Variants in SHROOM3 observed in about 807,000 individuals in gnomAD.
The protein encoded by SHROOM3 is protein Shroom3.
A neutral mutation model predicts 138.6 loss-of-function variants in SHROOM3; 47 were observed. The observed-to-expected ratio is 0.34, with a 90% CI of 0.27 to 0.43. The LOEUF (loss-of-function observed/expected upper bound fraction) is 0.43. SHROOM3 is among the 20% of genes least tolerant of loss of function. SHROOM3 has a pLI of 1.00. For synonymous variants in SHROOM3, 1,062 were observed against 1,063.3 expected (o/e 1.00, Z 0.02); for missense variants, 2,491 against 2,596.5 (o/e 0.96, Z 0.88).
chr4:76,666,145 T>TA (rs2110095426), intron 2 of SHROOM3, among the ~76,000 whole-genome samples: 1 of 152,260 alleles, frequency 6.6e-6, no homozygotes, highest in East Asian at 1.9e-4. Context: ...TAAAATCCTT[T>TA]AAAAAAGAGT....
chr4:76,745,397 A>G (rs1246706512), intron 5 of SHROOM3, among the ~76,000 whole-genome samples: 1 of 152,230 alleles, frequency 6.6e-6, no homozygotes, highest in Non-Finnish European at 1.5e-5. Flanking sequence ...TGGTTCTCAC[A>G]GTATTTTCAG....
intron 1 of SHROOM3, among the ~76,000 whole-genome samples, chr4:76,513,761 A>G (rs1732388788): frequency 6.6e-6 from 1 of 152,240 alleles, no homozygotes; most frequent in Non-Finnish European, 1.5e-5. Context: ...AATATCTCTG[A>G]CCTTAGCTGG....
chr4:76,560,649 T>C (rs1733579197), intron 2 of SHROOM3, among the ~76,000 whole-genome samples: 1 of 152,196 alleles, frequency 6.6e-6, no homozygotes, highest in African/African-American at 2.4e-5. Flanking sequence ...ACTCCTAAAT[T>C]TGTTGTAAGT....
At chr4:76,534,339 C>T (rs1199280401) in intron 1 of SHROOM3, among the ~76,000 whole-genome samples, 1 of 152,152 alleles carries the variant, frequency 6.6e-6, no homozygotes, top group African/African-American at 2.4e-5. Flanking sequence ...ATTGAAACCC[C>T]CAAGTCCAAA....
chr4:76,526,324 G>GC (rs1732688413), intron 1 of SHROOM3, among the ~76,000 whole-genome samples: 1 of 152,090 alleles, frequency 6.6e-6, no homozygotes, highest in Admixed American at 6.5e-5. Flanking sequence ...CTGAGATCGT[G>GC]CACTGCACTC....
intron 2 of SHROOM3, among the ~76,000 whole-genome samples, chr4:76,646,639 A>G (rs1305165780): frequency 6.6e-6 from 1 of 152,182 alleles, no homozygotes; most frequent in African/African-American, 2.4e-5. Flanking sequence ...GTCTACTTCT[A>G]TTAGATGTGC....
chr4:76,541,643 A>ACACACACACC (rs1733103551), intron 1 of SHROOM3, among the ~76,000 whole-genome samples: 1 of 151,922 alleles, frequency 6.6e-6, no homozygotes, highest in Non-Finnish European at 1.5e-5. Context: ...ACACACACAC[A>ACACACACACC]CACACACCAG....
chr4:76,685,521 T>C (rs1201108591), intron 2 of SHROOM3, among the ~76,000 whole-genome samples: 3 of 152,214 alleles, frequency 2.0e-5, no homozygotes, highest in African/African-American at 4.8e-5. Flanking sequence ...AGGGAATTTA[T>C]TGTATGACTG....
chr4:76,527,089 C>T (rs556292453), intron 1 of SHROOM3, among the ~76,000 whole-genome samples: 1 of 152,208 alleles, frequency 6.6e-6, no homozygotes, highest in South Asian at 2.1e-4. Context: ...TTCTCCTTCT[C>T]CTGTCTGAAG....
intron 1 of SHROOM3, among the ~76,000 whole-genome samples, chr4:76,502,407 A>G (rs531886367): frequency 2.3e-4 from 35 of 152,188 alleles, no homozygotes; most frequent in Non-Finnish European, 4.1e-4. Flanking sequence ...CAGAGGCCAC[A>G]TTCTGTGCTT....
intron 2 of SHROOM3, among the ~76,000 whole-genome samples, chr4:76,700,815 C>G (rs1044411389): frequency 6.6e-6 from 1 of 151,842 alleles, no homozygotes; most frequent in Admixed American, 6.6e-5. Context: ...GAGTCTCACT[C>G]TGTCACCCAG....
chr4:76,702,956 A>G (rs1387269128), intron 2 of SHROOM3, among the ~76,000 whole-genome samples: 2 of 152,198 alleles, frequency 1.3e-5, no homozygotes, highest in African/African-American at 2.4e-5. Context: ...AGATCTGGAG[A>G]TAATTAAGCT....
intron 1 of SHROOM3, among the ~76,000 whole-genome samples, chr4:76,487,225 C>T (rs117156242): frequency 3.9e-5 from 6 of 152,288 alleles, no homozygotes; most frequent in East Asian, 3.9e-4. Flanking sequence ...TTGCACTTAA[C>T]GTAGTGTTTT....
chr4:76,575,839 T>C (rs537589989), intron 2 of SHROOM3, among the ~76,000 whole-genome samples: 3 of 152,204 alleles, frequency 2.0e-5, no homozygotes, highest in African/African-American at 7.2e-5. Flanking sequence ...AGAATCAATA[T>C]TGTTAAACTT....
chr4:76,558,245 G>C (rs1258656658), intron 2 of SHROOM3, among the ~76,000 whole-genome samples: 1 of 152,202 alleles, frequency 6.6e-6, no homozygotes, highest in Non-Finnish European at 1.5e-5. Flanking sequence ...TTTGGAAACA[G>C]ACAGATATGG....
chr4:76,569,819 C>T (rs566593827), intron 2 of SHROOM3, among the ~76,000 whole-genome samples: 46 of 152,078 alleles, frequency 3.0e-4, no homozygotes, highest in African/African-American at 1.1e-3. Context: ...TTGAGGGAAG[C>T]CTGCCTTTTA....
chr4:76,515,299 T>A (rs1240338215), intron 1 of SHROOM3, among the ~76,000 whole-genome samples: 1 of 149,360 alleles, frequency 6.7e-6, no homozygotes, highest in African/African-American at 2.5e-5. Context: ...GGCAGAAGGA[T>A]CAGTTGAGTC....
At chr4:76,729,835 A>G (rs1442058097) in intron 3 of SHROOM3, among the ~76,000 whole-genome samples, 1 of 152,350 alleles carries the variant, frequency 6.6e-6, no homozygotes, top group African/African-American at 2.4e-5. Flanking sequence ...TTTTTCACAG[A>G]AAAGAGATAG....
intron 2 of SHROOM3, among the ~76,000 whole-genome samples, chr4:76,652,656 C>T (rs944746864): frequency 7.2e-5 from 11 of 151,972 alleles, no homozygotes; most frequent in African/African-American, 4.8e-5. Flanking sequence ...TTTTACATTT[C>T]CTTATGATCC....
Sources: gnomAD v4.1 joint callset for allele counts (sites outside exome capture counted in the v4.1 genomes callset) on GRCh38, gnomAD v4.1.1 for gene constraint, MANE v1.5 for transcripts, NCBI Gene and HGNC (gene_info 2026-07-23, HGNC 2026-07-21) for gene names.